The following TULP4 variants were observed in gnomAD, a reference collection of about 807,000 sequenced individuals.
TULP4 encodes the protein tubby-related protein 4.
In TULP4, 16 loss-of-function variants were observed where a neutral mutation model predicts 129.0. The ratio of observed to expected loss-of-function variants is 0.12; its 90% CI spans 0.08 to 0.19. The LOEUF (loss-of-function observed/expected upper bound fraction) is 0.19, where lower values mean the gene tolerates loss of function less well. Among genes scored for constraint, TULP4 ranks in the 10% least tolerant of loss-of-function variants. The pLI, the probability that TULP4 is intolerant of heterozygous loss-of-function variation, is 1.00. For synonymous variants in TULP4, 998 were observed against 854.0 expected (o/e 1.17, Z -2.94); for missense variants, 1,842 against 2,059.1 (o/e 0.89, Z 2.04).
At chr6:158,272,968 G>A (rs867791542) in intron 1 of TULP4, among the ~76,000 whole-genome samples, 5 of 152,314 alleles carry the variant, frequency 3.3e-5, no homozygotes, top group South Asian at 2.1e-4. Context: ...CCTGGCTTTG[G>A]GAATCTGGTC....
intron 1 of TULP4, among the ~76,000 whole-genome samples, chr6:158,321,988 C>T (rs1006742384): frequency 1.3e-5 from 2 of 152,226 alleles, no homozygotes; most frequent in African/African-American, 4.8e-5. Context: ...GATTCACCCT[C>T]TCCTGAAGAA....
chr6:158,245,460 G>T (rs1032544337), intron 1 of TULP4, among the ~76,000 whole-genome samples: 1 of 152,064 alleles, frequency 6.6e-6, no homozygotes, highest in Non-Finnish European at 1.5e-5. Flanking sequence ...CTCGGTGCTG[G>T]TGCAGATGAA....
Position 158,489,573 on chromosome 6 carries a change from TTGG to T in TULP4, c.1487-12_1487-10del. 1 of 1,614,020 alleles carries T rather than the reference TTGG, an allele frequency of 6.2e-7. No individual in the cohort carries two copies. The highest frequency in any genetic ancestry group is 8.5e-7 in the Non-Finnish European group (1 of 1,179,990). ...TATAACTTCCCTTGAAATCTGCTGG[TTGG>T]TGTTTTACCAGATGAAATCTATGGG... On this transcript the variant is annotated splice_polypyrimidine_tract_variant and intron_variant, in intron 8 of 13. Transcript: ENST00000367097.
At chr6:158,465,599 A>G (rs1467961974) in intron 6 of TULP4, among the ~76,000 whole-genome samples, 2 of 152,330 alleles carry the variant, frequency 1.3e-5, no homozygotes, top group Middle Eastern at 3.4e-3. Flanking sequence ...GCTTGTTAAC[A>G]GAAAGACTAA....
Position 158,502,495 on chromosome 6 carries a change from CCGCCTGACCGTCCCT to C in TULP4, c.2836_2850del (p.Leu946_Arg950del). 1 of 1,613,162 alleles carries C rather than the reference CCGCCTGACCGTCCCT, an allele frequency of 6.2e-7. No homozygotes were observed. Among genetic ancestry groups the C allele is most frequent in the Non-Finnish European group, 8.5e-7 (1 of 1,179,934 alleles). ...AGCCCTGCAGCAGTGCCACCCTGAA[CCGCCTGACCGTCCCT>C]CGCTACTCCATCCCCACCGGGGACC... On this transcript the variant is annotated inframe_deletion, in exon 13 of 14. Transcript: ENST00000367097.
At chr6:158,237,699 C>T (rs954521829) in intron 1 of TULP4, 4 of 1,034,064 alleles carry the variant, frequency 3.9e-6, no homozygotes, top group African/African-American at 3.2e-5. Flanking sequence ...TCAAATCTCC[C>T]TTTCCTTGTT....
intron 1 of TULP4, among the ~76,000 whole-genome samples, chr6:158,243,425 G>A (rs1391710427): frequency 1.9e-5 from 2 of 106,848 alleles, no homozygotes; most frequent in East Asian, 5.6e-4. Flanking sequence ...GGGCGTGTAC[G>A]TGTGTGTGTG....
intron 1 of TULP4, among the ~76,000 whole-genome samples, chr6:158,393,079 A>G (rs1330855187): frequency 3.9e-5 from 6 of 151,910 alleles, no homozygotes; most frequent in African/African-American, 1.5e-4. Flanking sequence ...AAATGGGAAA[A>G]ATTGGCCAAA....
rs571866361 is a variant in TULP4, at chr6:158,372,374, A to AT, written c.253-40681dup. 2.8e-3 allele frequency among the ~76,000 whole-genome samples: 426 copies of AT among 149,592 alleles called. 1 individual carries two copies. Among genetic ancestry groups the AT allele is most frequent in the African/African-American group, 9.3e-3 (380 of 40,882 alleles). ...AAAGCAACTAGAGAGATGGAAATGG[A>AT]TTTTTTTTTTAAGTAAAGCATTTAA... On this transcript the variant is annotated intron_variant, in intron 1 of 13. Coordinates refer to ENST00000367097, the MANE Select transcript of TULP4 (RefSeq NM_020245.5).
chr6:158,314,286 T>G lies in TULP4; in HGVS notation c.252+18T>G, dbSNP rs1445641214. The G allele has an allele frequency of 2.5e-6, 4 of 1,608,908 alleles. No individual in the cohort carries two copies. In the African/African-American group the frequency reaches 5.3e-5, roughly 21 times the overall value. On this transcript the variant is annotated intron_variant, in intron 1 of 13. Coordinates refer to ENST00000367097, the MANE Select transcript of TULP4 (RefSeq NM_020245.5). ...ATAGCGAGGTGAGCTGTGGTTTTGT[T>G]TCACTTTTTGGTCACTTCCAGTGGT...
intron 1 of TULP4, among the ~76,000 whole-genome samples, chr6:158,289,050 C>T (rs1778882687): frequency 6.6e-6 from 1 of 152,024 alleles, no homozygotes; most frequent in African/African-American, 2.4e-5. Context: ...AACTATATGG[C>T]CTGATTTCTT....
At chr6:158,371,245 A>G (rs1777062494) in intron 1 of TULP4, among the ~76,000 whole-genome samples, 1 of 152,214 alleles carries the variant, frequency 6.6e-6, no homozygotes, top group Admixed American at 6.5e-5. Context: ...CAATTCTAAC[A>G]GTAGAAACTG....
Position 158,360,638 on chromosome 6 carries a change from A to G in TULP4, c.252+46370A>G, listed in dbSNP as rs1281978559. On this transcript the variant is annotated intron_variant, in intron 1 of 13. Transcript: ENST00000367097. ...GGGGAAGAAAAATCTGTTAATGTTT[A>G]TTTGGCAGGTAATTGTTGCTGAGAT... 5.9e-5 allele frequency among the ~76,000 whole-genome samples: 9 copies of G among 152,186 alleles called. No individual in the cohort carries two copies. The East Asian group carries it at 1.2e-3, about 20-fold the overall frequency.
rs1329039280 is a variant in TULP4, at chr6:158,388,332, T to C, written c.253-24733T>C. Among the ~76,000 whole-genome samples, 4 of 131,574 alleles carry C rather than the reference T, an allele frequency of 3.0e-5. No homozygotes were observed. The East Asian group carries it at 6.3e-4, about 21-fold the overall frequency. The allele number at this position is 131,574 out of a possible 152,430, so 86.3% of individuals were successfully genotyped here. A position where few individuals can be genotyped will look rare whatever the true frequency, so the allele number is the denominator to read the frequency against. On this transcript the variant is annotated intron_variant, in intron 1 of 13. Transcript: ENST00000367097. ...AATCTGCTCGTTTTTCTTTTTTTTT[T>C]TTTTTTTTTTTTTTTGAGACGGAGT...
intron 1 of TULP4, among the ~76,000 whole-genome samples, chr6:158,333,044 T>C (rs1053949487): frequency 1.3e-5 from 2 of 152,166 alleles, no homozygotes; most frequent in Non-Finnish European, 2.9e-5. Flanking sequence ...TTCCCCCATT[T>C]CGTTTTTGTA....
At chr6:158,294,520 G>A (rs1412642051) in intron 1 of TULP4, among the ~76,000 whole-genome samples, 1 of 152,150 alleles carries the variant, frequency 6.6e-6, no homozygotes, top group Non-Finnish European at 1.5e-5. Flanking sequence ...GAAAGCACAG[G>A]ATCCCTGTTC....
At chr6:158,250,394 G>C (rs1433366298) in intron 1 of TULP4, among the ~76,000 whole-genome samples, 1 of 152,070 alleles carries the variant, frequency 6.6e-6, no homozygotes, top group African/African-American at 2.4e-5. Flanking sequence ...TTGACCTCGT[G>C]ATCTGCCTGC....
At chr6:158,430,324 G>A (rs1432495409) in intron 3 of TULP4, among the ~76,000 whole-genome samples, 2 of 68,896 alleles carry the variant, frequency 2.9e-5, no homozygotes, top group Admixed American at 2.3e-4. Flanking sequence ...AAAATTATAA[G>A]CAATTTTATA....
At chr6:158,359,957 C>G (rs6914862) in intron 1 of TULP4, among the ~76,000 whole-genome samples, 1 of 152,070 alleles carries the variant, frequency 6.6e-6, no homozygotes, top group Non-Finnish European at 1.5e-5. Flanking sequence ...CTTTGTAACT[C>G]TGAAGGGCAT....
Sources: allele counts gnomAD v4.1 joint callset (sites outside exome capture counted in the v4.1 genomes callset), GRCh38; gene constraint gnomAD v4.1.1; transcripts MANE v1.5; gene names NCBI Gene and HGNC (gene_info 2026-07-23, HGNC 2026-07-21).